SH3RF3: variants seen among roughly 807,000 people sequenced by gnomAD.
The protein encoded by SH3RF3 is E3 ubiquitin-protein ligase SH3RF3.
In SH3RF3, 29 loss-of-function variants were observed where a neutral mutation model predicts 66.3. The observed-to-expected ratio is 0.44, with a 90% CI of 0.33 to 0.60. The LOEUF (loss-of-function observed/expected upper bound fraction) is 0.60. Among genes scored for constraint, SH3RF3 ranks in the 20% least tolerant of loss-of-function variants. The pLI is 0.04. For synonymous variants in SH3RF3, 583 were observed against 532.0 expected (o/e 1.10, Z -1.32); for missense variants, 1,194 against 1,190.9 (o/e 1.00, Z -0.04).
At chr2:109,329,557 C>T (rs1682236873) in intron 1 of SH3RF3, among the ~76,000 whole-genome samples, 1 of 152,244 alleles carries the variant, frequency 6.6e-6, no homozygotes, top group Admixed American at 6.5e-5. Context: ...GGGGTGCAGC[C>T]TTCCTGCAGC....
intron 1 of SH3RF3, among the ~76,000 whole-genome samples, chr2:109,253,203 T>A (rs1441432819): frequency 6.6e-6 from 1 of 152,030 alleles, no homozygotes; most frequent in Admixed American, 6.6e-5. Context: ...AGTTTTTGTA[T>A]TTTTAGTAGA....
At chr2:109,401,534 G>A (rs922122793) in intron 4 of SH3RF3, among the ~76,000 whole-genome samples, 7 of 152,202 alleles carry the variant, frequency 4.6e-5, no homozygotes, top group Non-Finnish European at 1.0e-4. Context: ...TCTGGCCTGT[G>A]TCCTGTAATT....
chr2:109,255,007 T>G (rs1177508174), intron 1 of SH3RF3, among the ~76,000 whole-genome samples: 1 of 152,214 alleles, frequency 6.6e-6, no homozygotes, highest in Non-Finnish European at 1.5e-5. Context: ...TTAGATCATT[T>G]GTATCTGGAA....
intron 2 of SH3RF3, among the ~76,000 whole-genome samples, chr2:109,368,908 A>G (rs1683203648): frequency 6.6e-6 from 1 of 151,822 alleles, no homozygotes; most frequent in African/African-American, 2.4e-5. Flanking sequence ...CCTTAGGCTG[A>G]TCTGAGCTGG....
At chr2:109,471,315 C>G (rs959379855) in intron 8 of SH3RF3, among the ~76,000 whole-genome samples, 3 of 150,052 alleles carry the variant, frequency 2.0e-5, no homozygotes, top group Admixed American at 1.3e-4. Flanking sequence ...CCACAGGAAA[C>G]TTACAATCAT....
chr2:109,408,801 T>C (rs1164424838), intron 4 of SH3RF3, among the ~76,000 whole-genome samples: 2 of 152,236 alleles, frequency 1.3e-5, no homozygotes, highest in African/African-American at 2.4e-5. Context: ...TGGATGAATA[T>C]TGTGCCTTTT....
rs1005743454 is a variant in SH3RF3 at position 109,129,917 on chromosome 2, G to T, written c.377G>T (p.Arg126Leu). The T allele has an allele frequency of 6.7e-7, 1 of 1,501,418 alleles. No homozygotes were observed. Among genetic ancestry groups the T allele is most frequent in the African/African-American group, 1.4e-5 (1 of 69,078 alleles). The allele number at this position is 1,501,418 out of a possible 1,614,324, so 93.0% of individuals were successfully genotyped here. Reference protein sequence around the residue: ...RLLDGIRQRPRAGTSPGGSPP... With the variant: ...RLLDGIRQRPLAGTSPGGSPP... ...CTGGACGGCATCCGTCAGCGGCCCC[G>T]CGCGGGCACCAGCCCCGGCGGCAGC... The change falls in exon 1 of 10, where the codon CGC (arginine) becomes CTC (leucine). Residue 126 changes from arginine (R) to leucine (L), a missense_variant. Transcript: ENST00000309415.
At chr2:109,130,349 C>T (rs1201755312) in intron 1 of SH3RF3, among the ~76,000 whole-genome samples, 5 of 152,228 alleles carry the variant, frequency 3.3e-5, no homozygotes, top group Non-Finnish European at 4.4e-5. Flanking sequence ...GCCTTCCTGT[C>T]CCGTCGCTCA....
intron 1 of SH3RF3, among the ~76,000 whole-genome samples, chr2:109,169,438 C>T (rs530582653): frequency 3.3e-4 from 50 of 152,032 alleles, no homozygotes; most frequent in Admixed American, 9.8e-4. Context: ...AGCTCAGCTC[C>T]CTGTGGTGGA....
At chr2:109,275,257 C>T (rs1211764014) in intron 1 of SH3RF3, among the ~76,000 whole-genome samples, 1 of 152,162 alleles carries the variant, frequency 6.6e-6, no homozygotes, top group African/African-American at 2.4e-5. Flanking sequence ...TGATATTCAC[C>T]CTACCCTCTC....
intron 1 of SH3RF3, among the ~76,000 whole-genome samples, chr2:109,209,695 C>A (rs1426222309): frequency 6.6e-6 from 1 of 152,140 alleles, no homozygotes; most frequent in Non-Finnish European, 1.5e-5. Flanking sequence ...AAGCATGAGT[C>A]ACTACAAAAT....
In SH3RF3 at chr2:109,129,547, CT is replaced by C. The variant is rs1676627118; in HGVS notation, c.8del (p.Leu3ProfsTer267). ML[L>X]GASWLCASKA... ...CGCTGCGGGCGCCTCCCCCATGCTG[CT>C]CGGAGCGTCCTGGCTGTGCGCATCC... On this transcript the variant is annotated frameshift_variant, in exon 1 of 10. Coordinates refer to ENST00000309415, the MANE Select transcript of SH3RF3 (RefSeq NM_001099289.3). LOFTEE classifies it high-confidence loss of function. 1 of 1,495,912 alleles carries C rather than the reference CT, an allele frequency of 6.7e-7. No individual in the cohort carries two copies. The highest frequency in any genetic ancestry group is 8.8e-7 in the Non-Finnish European group (1 of 1,130,022). 92.7% of individuals were successfully genotyped at this position (1,495,912 alleles called of 1,614,324 possible). A position where few individuals can be genotyped will look rare whatever the true frequency, so the allele number is the denominator to read the frequency against.
In SH3RF3 at chr2:109,130,063, G is replaced by T; in HGVS notation, c.523G>T (p.Ala175Ser). 1 of 1,367,412 alleles carries T rather than the reference G, an allele frequency of 7.3e-7. No individual in the cohort carries two copies. The highest frequency in any genetic ancestry group is 9.4e-7 in the Non-Finnish European group (1 of 1,061,610). The allele number at this position is 1,367,412 out of a possible 1,614,324, so 84.7% of individuals were successfully genotyped here. The change falls in exon 1 of 10, where the codon GCC becomes TCC. Residue 175 changes from alanine (A) to serine (S), a missense_variant. Ala to Ser is a moderately conservative substitution (Grantham distance 99). Coordinates refer to ENST00000309415, the MANE Select transcript of SH3RF3 (RefSeq NM_001099289.3). Reference sequence around the variant, plus strand: ...CCTCTCCGCGGCCGCGGGCAGCACCGCCGGCAGTCTGCGGGAGCTGGCGAC... The same window carrying T: ...CCTCTCCGCGGCCGCGGGCAGCACCTCCGGCAGTCTGCGGGAGCTGGCGAC... ...VFLSAAAGST[A>S]GSLRELATSR...
At chr2:109,389,139 A>G (rs1199673569) in intron 3 of SH3RF3, among the ~76,000 whole-genome samples, 1 of 152,182 alleles carries the variant, frequency 6.6e-6, no homozygotes, top group Non-Finnish European at 1.5e-5. Context: ...CTGCACATAG[A>G]ACACAGGTGA....
At chr2:109,229,419 A>C (rs1275906926) in intron 1 of SH3RF3, among the ~76,000 whole-genome samples, 3 of 152,142 alleles carry the variant, frequency 2.0e-5, no homozygotes, top group Non-Finnish European at 4.4e-5. Context: ...CCAGGATCCC[A>C]TACTGCCTCA....
Position 109,387,911 on chromosome 2 carries a change from C to G in SH3RF3, c.946-10679C>G, listed in dbSNP as rs1326483742. Among the ~76,000 whole-genome samples, 5 of 152,124 alleles carry G rather than the reference C, an allele frequency of 3.3e-5. No homozygotes were observed. In the East Asian group the frequency reaches 9.8e-4, roughly 30 times the overall value. On this transcript the variant is annotated intron_variant, in intron 3 of 9. Transcript: ENST00000309415. ...TCCACCCGCACACGGCCCTTCCTGA[C>G]TCGTTCCACTGCTCCCACACTGGCC... is the stretch of plus-strand genomic sequence containing the variant.
intron 1 of SH3RF3, among the ~76,000 whole-genome samples, chr2:109,194,806 AG>A (rs1678457679): frequency 6.6e-6 from 1 of 152,256 alleles, no homozygotes; most frequent in Non-Finnish European, 1.5e-5. Context: ...CAAAATTCAC[AG>A]GACGAAAAGA....
chr2:109,140,714 AT>A (rs746967211), intron 1 of SH3RF3, among the ~76,000 whole-genome samples: 3 of 152,032 alleles, frequency 2.0e-5, no homozygotes, highest in Non-Finnish European at 2.9e-5. Context: ...GGGAAATAGA[AT>A]TTTTTCCCTT....
intron 1 of SH3RF3, among the ~76,000 whole-genome samples, chr2:109,271,487 C>T (rs553958388): frequency 3.0e-4 from 45 of 152,336 alleles, no homozygotes; most frequent in African/African-American, 9.9e-4. Context: ...CGTAAATCAA[C>T]GTGAGACTTT....
Sources: allele counts gnomAD v4.1 joint callset (sites outside exome capture counted in the v4.1 genomes callset), GRCh38; gene constraint gnomAD v4.1.1; transcripts MANE v1.5; gene names NCBI Gene and HGNC (gene_info 2026-07-23, HGNC 2026-07-21).